UBE2F: variants seen among roughly 807,000 people sequenced by gnomAD.
UBE2F encodes ubiquitin conjugating enzyme E2 F (putative), also known as NEDD8-conjugating enzyme UBE2F.
UBE2F carries 5 observed loss-of-function variants against 29.6 expected under a neutral mutation model. That is an observed-to-expected ratio of 0.17 (90% CI 0.09 to 0.36). The LOEUF (loss-of-function observed/expected upper bound fraction) is 0.36, where lower values mean the gene tolerates loss of function less well. Ranked by LOEUF, UBE2F falls within the 10% of genes least tolerant of loss-of-function variation. The probability of loss-of-function intolerance (pLI) is 1.00; values close to 1 mark genes in which losing one functional copy is unlikely to be tolerated. For missense variants in UBE2F, 141 were observed against 228.5 expected (o/e 0.62, Z 2.47); for synonymous variants, 66 against 81.8 (o/e 0.81, Z 1.04).
chr2:238,013,700 G>T (rs547613913), intron 4 of UBE2F, among the ~76,000 whole-genome samples: 1 of 152,074 alleles, frequency 6.6e-6, no homozygotes, highest in South Asian at 2.1e-4. Flanking sequence ...CAGGGCTCTC[G>T]GTAATCTTGA....
At position 238,027,468 on chromosome 2, in the gene UBE2F, G is replaced by T. The variant is rs563084888; in HGVS notation, c.353+2056G>T. 2.0e-5 allele frequency among the ~76,000 whole-genome samples: 3 copies of T among 152,326 alleles called. No homozygotes were observed. The East Asian group carries it at 5.8e-4, about 29-fold the overall frequency. On this transcript the variant is annotated intron_variant, in intron 6 of 9. Transcript: ENST00000272930. ...GGCTTACCACTCACCAGATTGGCAG[G>T]CACAAAGGTAGATACTTGGTGGCTG...
At position 237,967,449 on chromosome 2, in the gene UBE2F, C is replaced by T. The variant is rs904110047; in HGVS notation, c.-17+317C>T. The stretch of plus-strand genomic sequence containing the variant: ...CCCGCGCCGAGCACCTGGTGTGAAC[C>T]AGGCCCTGGGCCGAGCGTGGCACAG... On this transcript the variant is annotated intron_variant, in intron 1 of 9. Transcript: ENST00000272930. The surrounding 1 kb of genome is among the most constrained non-coding windows in gnomAD (Gnocchi z 6.3). 6.6e-6 allele frequency among the ~76,000 whole-genome samples: 1 copy of T among 151,992 alleles called. No homozygotes were observed. Among genetic ancestry groups the T allele is most frequent in the Non-Finnish European group, 1.5e-5 (1 of 67,954 alleles).
At chr2:237,973,545 A>G (rs1232008696) in intron 2 of UBE2F, 10 of 627,732 alleles carry the variant, frequency 1.6e-5, no homozygotes, top group Middle Eastern at 3.0e-4. Context: ...CAGAGCTGCC[A>G]TTATCTTCCT....
At position 238,014,729 on chromosome 2, in the gene UBE2F, A is replaced by G. The variant is rs934874380; in HGVS notation, c.215-1837A>G. Reference sequence around the variant, plus strand: ...CGTGGTTTGTAATGTTAAGCCTGGCATTGGATTTCTGTGTTGTGCCACAGT... The same window carrying G: ...CGTGGTTTGTAATGTTAAGCCTGGCGTTGGATTTCTGTGTTGTGCCACAGT... On this transcript the variant is annotated intron_variant, in intron 4 of 9. Coordinates refer to ENST00000272930, the MANE Select transcript of UBE2F (RefSeq NM_080678.3). 3.3e-5 allele frequency among the ~76,000 whole-genome samples: 5 copies of G among 152,242 alleles called. 1 individual carries two copies. Among genetic ancestry groups the G allele is most frequent in the African/African-American group, 1.2e-4 (5 of 41,454 alleles).
At chr2:238,035,210 TCAA>T (rs1229053199) in intron 8 of UBE2F, 3 of 152,488 alleles carry the variant, frequency 2.0e-5, no homozygotes, top group Admixed American at 1.3e-4. Context: ...CCCCTGATTC[TCAA>T]CAAGAGGGCT....
At chr2:238,017,818 T>C (rs938040547) in intron 5 of UBE2F, among the ~76,000 whole-genome samples, 1 of 152,104 alleles carries the variant, frequency 6.6e-6, no homozygotes, top group Non-Finnish European at 1.5e-5. Flanking sequence ...ATGTGGGCAT[T>C]GGGGACACTG....
chr2:238,016,087 T>C (rs1297697521), intron 4 of UBE2F, among the ~76,000 whole-genome samples: 2 of 152,222 alleles, frequency 1.3e-5, no homozygotes, highest in Non-Finnish European at 2.9e-5. Flanking sequence ...CACTGCTGTG[T>C]CCCCAAGGCC....
At chr2:238,014,506 T>C (rs2064111518) in intron 4 of UBE2F, among the ~76,000 whole-genome samples, 1 of 152,170 alleles carries the variant, frequency 6.6e-6, no homozygotes, top group South Asian at 2.1e-4. Context: ...TGGTAGGCAA[T>C]AGAGTTGAAA....
rs561411966 is a variant in UBE2F, at chr2:237,969,416, G to A, written c.-17+2284G>A. Among the ~76,000 whole-genome samples the A allele has an allele frequency of 2.0e-5, 3 of 152,298 alleles. No homozygotes were observed. In the East Asian group the frequency reaches 5.8e-4, roughly 29 times the overall value. On this transcript the variant is annotated intron_variant, in intron 1 of 9. Coordinates refer to ENST00000272930, the MANE Select transcript of UBE2F (RefSeq NM_080678.3). ...GCTGCATGTGGCCCTGGTGCTTGCTGTTCTGTGGGACTCTTCATTCTGACT... is the reference window on the plus strand; with the variant it reads ...GCTGCATGTGGCCCTGGTGCTTGCTATTCTGTGGGACTCTTCATTCTGACT...
chr2:237,968,071 A>G (rs138224676), intron 1 of UBE2F, among the ~76,000 whole-genome samples: 1 of 152,296 alleles, frequency 6.6e-6, no homozygotes, highest in African/African-American at 2.4e-5. Flanking sequence ...AGACCTGGGT[A>G]TCAGACTGAA....
At chr2:238,037,446 G>A (rs1213447555) in intron 9 of UBE2F, among the ~76,000 whole-genome samples, 1 of 152,262 alleles carries the variant, frequency 6.6e-6, no homozygotes, top group Non-Finnish European at 1.5e-5. Flanking sequence ...TGGAGCAGGA[G>A]CCTGCAGAGG....
chr2:238,001,132 CA>C (rs2063785293), intron 4 of UBE2F, among the ~76,000 whole-genome samples: 1 of 143,760 alleles, frequency 7.0e-6, no homozygotes, highest in Admixed American at 7.3e-5. Flanking sequence ...CTTCCTGGTT[CA>C]AGCGATTCTC....
chr2:238,030,322 C>T (rs1229895549), intron 6 of UBE2F, among the ~76,000 whole-genome samples: 5 of 152,064 alleles, frequency 3.3e-5, no homozygotes, highest in Admixed American at 6.5e-5. Flanking sequence ...ACTTCCATGT[C>T]AAGTATTACA....
chr2:237,971,968 A>G (rs1293354203), intron 1 of UBE2F, among the ~76,000 whole-genome samples: 4 of 152,166 alleles, frequency 2.6e-5, no homozygotes, highest in African/African-American at 4.8e-5. Flanking sequence ...TCTTAAACAA[A>G]TTGTGGCATT....
rs376597303 is a variant in UBE2F, at chr2:237,991,663, C to T, written c.149-3081C>T. On this transcript the variant is annotated intron_variant, in intron 3 of 9. Coordinates refer to ENST00000272930, the MANE Select transcript of UBE2F (RefSeq NM_080678.3). ...TGTCACCCAGGCTGGAATGCAGTGGCGCGATCTCGGCTCACTGCGACCTCC... is the reference window on the plus strand; with the variant it reads ...TGTCACCCAGGCTGGAATGCAGTGGTGCGATCTCGGCTCACTGCGACCTCC... Among the ~76,000 whole-genome samples the T allele has an allele frequency of 7.4e-4, 98 of 131,922 alleles. 3 individuals carry two copies. In the East Asian group the frequency reaches 0.02, roughly 26 times the overall value. 86.5% of individuals were successfully genotyped at this position (131,922 alleles called of 152,430 possible).
chr2:238,026,203 A>G (rs2064425082), intron 6 of UBE2F, among the ~76,000 whole-genome samples: 1 of 152,164 alleles, frequency 6.6e-6, no homozygotes, highest in Non-Finnish European at 1.5e-5. Context: ...ACTTTAGGCT[A>G]GGTATTTGAA....
chr2:238,023,640 C>T (rs190666230), intron 5 of UBE2F, among the ~76,000 whole-genome samples: 53 of 152,238 alleles, frequency 3.5e-4, no homozygotes, highest in African/African-American at 1.1e-3. Flanking sequence ...AAGTTAATAG[C>T]AGATGATACA....
At chr2:238,006,019 T>C (rs1193376680) in intron 4 of UBE2F, among the ~76,000 whole-genome samples, 1 of 152,194 alleles carries the variant, frequency 6.6e-6, no homozygotes, top group Non-Finnish European at 1.5e-5. Flanking sequence ...CTGTGTTTGT[T>C]TATTTGCATT....
chr2:237,980,702 C>T (rs1243661308), intron 2 of UBE2F, among the ~76,000 whole-genome samples: 1 of 152,220 alleles, frequency 6.6e-6, no homozygotes, highest in Non-Finnish European at 1.5e-5. Flanking sequence ...ATAGCAGGGG[C>T]ACTGCCACCC....
Sources: allele counts gnomAD v4.1 joint callset (sites outside exome capture counted in the v4.1 genomes callset), GRCh38; gene constraint gnomAD v4.1.1; non-coding constraint Gnocchi (gnomAD v3.1); transcripts MANE v1.5; gene names NCBI Gene and HGNC (gene_info 2026-07-23, HGNC 2026-07-21).